The following NIBAN2 variants were observed in gnomAD, a reference collection of about 807,000 sequenced individuals.
NIBAN2 encodes the protein protein Niban 2.
A neutral mutation model predicts 81.8 loss-of-function variants in NIBAN2; 36 were observed. The observed-to-expected ratio is 0.44, with a 90% CI of 0.34 to 0.58. NIBAN2 has a LOEUF of 0.58. Among genes scored for constraint, NIBAN2 ranks in the 20% least tolerant of loss-of-function variants. The probability of loss-of-function intolerance (pLI) is 0.02; values close to 1 mark genes in which losing one functional copy is unlikely to be tolerated. For synonymous variants in NIBAN2, 445 were observed against 441.6 expected, an observed-to-expected ratio of 1.01 and a Z score of -0.10; for missense variants, 897 against 1,014.1, an observed-to-expected ratio of 0.88 and a Z score of 1.57.
chr9:127,510,418 G>T, intron 8 of NIBAN2, 85 bp from the exon 9 acceptor site: 1 of 903,114 alleles, frequency 1.1e-6, no homozygotes, highest in Non-Finnish European at 1.6e-6. Context: ...GGAGGCTACT[G>T]TATTACTATT....
At chr9:127,509,250 G>T in intron 9 of NIBAN2, 119 bp from the exon 10 acceptor site, 6 of 948,002 alleles carry the variant, frequency 6.3e-6, no homozygotes, top group Admixed American at 2.8e-5. Context: ...TGCTACCAGG[G>T]ATGGCCACCT....
intron 1 of NIBAN2, among the ~76,000 whole-genome samples, chr9:127,544,215 C>A (rs142076746): frequency 6.6e-6 from 1 of 152,142 alleles, no homozygotes; most frequent in African/African-American, 2.4e-5. Flanking sequence ...CCTAACATGG[C>A]GCTGGCCTTG....
In NIBAN2 at chr9:127,543,172, A is replaced by G. The variant is rs146110445; in HGVS notation, c.56-11394T>C. ...AGTGCGAGATCATTCTCGACTCTCA[A>G]AATGGCCCAGGGAGAAAGGCTCTGT... On this transcript the variant is annotated intron_variant, in intron 1 of 13. Coordinates refer to ENST00000373312, the MANE Select transcript of NIBAN2 (RefSeq NM_022833.4). 4.8e-3 allele frequency among the ~76,000 whole-genome samples: 732 copies of G among 152,328 alleles called. 8 individuals are homozygous for G. The highest frequency in any genetic ancestry group is 0.046 in the East Asian group (239 of 5,188).
intron 1 of NIBAN2, chr9:127,561,008 C>A: frequency 3.3e-6 from 2 of 604,112 alleles, no homozygotes; most frequent in Non-Finnish European, 4.2e-6. Context: ...TCAATGGGAC[C>A]AGGCTTAAGG....
intron 1 of NIBAN2, among the ~76,000 whole-genome samples, chr9:127,534,159 C>T (rs1343926064): frequency 6.6e-6 from 1 of 152,236 alleles, no homozygotes; most frequent in African/African-American, 2.4e-5. Flanking sequence ...TCGGTTTCCC[C>T]CATGCACTGA....
intron 1 of NIBAN2, among the ~76,000 whole-genome samples, chr9:127,562,419 C>T (rs1837789684): frequency 6.6e-6 from 1 of 152,210 alleles, no homozygotes; most frequent in East Asian, 1.9e-4. Context: ...TAAACCGTTG[C>T]TAATGTTTAC....
chr9:127,507,907 C>T lies in NIBAN2; in HGVS notation c.1614G>A (p.Glu538=). The T allele has an allele frequency of 6.2e-7, 1 of 1,614,214 alleles. No homozygotes were observed. The highest frequency in any genetic ancestry group is 8.5e-7 in the Non-Finnish European group (1 of 1,180,038). Residue 538 remains glutamate (E), a synonymous_variant, in exon 13 of 14, where the codon GAG becomes GAA. Coordinates refer to ENST00000373312, the MANE Select transcript of NIBAN2 (RefSeq NM_022833.4). This position sits in a 1 kb window ranked among gnomAD's most constrained non-coding sequence, Gnocchi z 6.8. ...ARFILVENTY[E]EVVLQTVMKD... ...TCATGACGGTCTGCAGCACCACCTC[C>T]TCGTACGTGTTTTCCACCAGGATGA...
At chr9:127,527,420 C>T in intron 2 of NIBAN2, 98 bp from the exon 3 acceptor site, 2 of 1,194,884 alleles carry the variant, frequency 1.7e-6, no homozygotes, top group Non-Finnish European at 2.4e-6. Context: ...TGTGCGCACC[C>T]CCTGCCTAGC....
chr9:127,529,593 C>T (rs1247801441), intron 2 of NIBAN2, among the ~76,000 whole-genome samples: 3 of 152,154 alleles, frequency 2.0e-5, no homozygotes, highest in African/African-American at 7.2e-5. Context: ...TGAGCCGAGA[C>T]TGTGCCACTG....
intron 1 of NIBAN2, among the ~76,000 whole-genome samples, chr9:127,566,344 C>A (rs1043130863): frequency 6.6e-6 from 1 of 152,102 alleles, no homozygotes; most frequent in South Asian, 2.1e-4. Flanking sequence ...GATCCTCAGG[C>A]CTCCCAGATC....
chr9:127,571,853 G>A (rs974200537), upstream of NIBAN2, among the ~76,000 whole-genome samples: 3 of 152,118 alleles, frequency 2.0e-5, no homozygotes, highest in Admixed American at 6.5e-5. Flanking sequence ...CCTTGTCTAG[G>A]GATGGGATGA....
chr9:127,523,841 T>C lies in NIBAN2; in HGVS notation c.427A>G (p.Thr143Ala). Residue 143 changes from threonine (T) to alanine (A), a missense_variant, in exon 5 of 14, where the codon ACG (threonine) becomes GCG (alanine). Transcript: ENST00000373312. ...ELIGNSLPGT[T>A]AKSGSAPILK... ...ATGGGGGCACTGCCCGACTTTGCCG[T>C]GGTCCCTGTGGAGACAGTGCCTGAT... The C allele has an allele frequency of 6.2e-7, 1 of 1,609,334 alleles. No homozygotes were observed. Among genetic ancestry groups the C allele is most frequent in the Non-Finnish European group, 8.5e-7 (1 of 1,176,068 alleles).
chr9:127,578,974 A>G (rs4240420), exon 1 of NIBAN2: 1,271,491 of 1,598,672 alleles, frequency 0.8, 507,478 homozygotes, highest in African/African-American at 0.95. Context: ...AGGGACCGGA[A>G]CTGGCCCAGT....
upstream of NIBAN2, among the ~76,000 whole-genome samples, chr9:127,570,477 G>A (rs948091779): frequency 6.6e-6 from 1 of 152,178 alleles, no homozygotes; most frequent in Non-Finnish European, 1.5e-5. Flanking sequence ...TCTGTCAAAA[G>A]AGAATGATGC....
chr9:127,509,035 G>A lies in NIBAN2; in HGVS notation c.1258C>T (p.Arg420Ter). The part of the protein sequence containing the change: ...ESLRLDGLQQ[R>*]FDVSSTSVFK... ...ACGGACGTGCTGGACACATCAAATC[G>A]CTGCTGCAGCCCGTCCAGTCGCAGC... is the stretch of plus-strand genomic sequence containing the variant. The change falls in exon 10 of 14, where the codon CGA (arginine) becomes TGA (stop). Residue 420 changes from arginine (R) to a stop codon, truncating the protein, a stop_gained. Transcript: ENST00000373312. LOFTEE classifies it high-confidence loss of function. 1.9e-6 allele frequency: 3 copies of A among 1,613,864 alleles called. No individual in the cohort carries two copies. The highest frequency in any genetic ancestry group is 1.7e-6 in the Non-Finnish European group (2 of 1,179,950).
intron 1 of NIBAN2, among the ~76,000 whole-genome samples, chr9:127,533,448 C>A (rs939711293): frequency 6.6e-6 from 1 of 152,172 alleles, no homozygotes; most frequent in Non-Finnish European, 1.5e-5. Context: ...CAGAGCGAGA[C>A]TCCATCTCAA....
intron 1 of NIBAN2, among the ~76,000 whole-genome samples, chr9:127,552,977 C>A (rs1045850578): frequency 5.3e-5 from 8 of 152,132 alleles, no homozygotes; most frequent in Non-Finnish European, 1.0e-4. Context: ...CAGGCATTAG[C>A]CTCCTTGCTC....
chr9:127,532,322 G>C (rs1837199070), intron 1 of NIBAN2, among the ~76,000 whole-genome samples: 1 of 152,174 alleles, frequency 6.6e-6, no homozygotes, highest in Admixed American at 6.6e-5. Context: ...AAAAGATGGA[G>C]GGGGGCCAGG....
chr9:127,518,830 G>T (rs1246155276), intron 5 of NIBAN2, among the ~76,000 whole-genome samples: 1 of 152,210 alleles, frequency 6.6e-6, no homozygotes, highest in Non-Finnish European at 1.5e-5. Flanking sequence ...GGTCTGTCCT[G>T]TTACTGCTAA....
Sources: gnomAD v4.1 joint callset for allele counts (sites outside exome capture counted in the v4.1 genomes callset) on GRCh38, gnomAD v4.1.1 for gene constraint, Gnocchi (gnomAD v3.1) non-coding constraint, MANE v1.5 for transcripts, NCBI Gene and HGNC (gene_info 2026-07-23, HGNC 2026-07-21) for gene names.